Variants in ASAP1 observed in about 807,000 individuals in gnomAD.
ASAP1 encodes the protein arf-GAP with SH3 domain, ANK repeat and PH domain-containing protein 1.
A neutral mutation model predicts 145.2 loss-of-function variants in ASAP1; 43 were observed. The ratio of observed to expected loss-of-function variants is 0.30; its 90% CI spans 0.23 to 0.38. ASAP1 has a LOEUF of 0.38. Among genes scored for constraint, ASAP1 ranks in the 10% least tolerant of loss-of-function variants. ASAP1 has a pLI of 1.00. For missense variants in ASAP1, 1,018 were observed against 1,355.3 expected, an observed-to-expected ratio of 0.75 and a Z score of 3.91; for synonymous variants, 546 against 515.5, an observed-to-expected ratio of 1.06 and a Z score of -0.80.
chr8:130,182,206 T>C (rs1814401588), intron 7 of ASAP1, among the ~76,000 whole-genome samples: 1 of 152,258 alleles, frequency 6.6e-6, no homozygotes, highest in African/African-American at 2.4e-5. Context: ...CCTTTCAATT[T>C]ACCATGGTGA....
chr8:130,428,415 C>T (rs1830005176), intron 1 of ASAP1, among the ~76,000 whole-genome samples: 2 of 122,978 alleles, frequency 1.6e-5, no homozygotes, highest in Admixed American at 8.4e-5. Flanking sequence ...ATCACCACCA[C>T]CATCACCATC....
intron 16 of ASAP1, among the ~76,000 whole-genome samples, chr8:130,127,365 C>T (rs1211633424): frequency 6.6e-6 from 1 of 152,032 alleles, no homozygotes; most frequent in African/African-American, 2.4e-5. Flanking sequence ...TACAGGTGCC[C>T]GCCACCTCGC....
chr8:130,427,208 A>G (rs1393811126), intron 1 of ASAP1, among the ~76,000 whole-genome samples: 2 of 152,112 alleles, frequency 1.3e-5, no homozygotes, highest in Non-Finnish European at 2.9e-5. Flanking sequence ...GCTTTTCTTG[A>G]TATTTTAAAG....
chr8:130,436,098 T>C (rs963735139), intron 1 of ASAP1, among the ~76,000 whole-genome samples: 2 of 152,250 alleles, frequency 1.3e-5, no homozygotes, highest in African/African-American at 2.4e-5. Context: ...AAGAGAACAT[T>C]AGTATATTTA....
At chr8:130,396,486 G>A (rs1828536805) in intron 2 of ASAP1, among the ~76,000 whole-genome samples, 2 of 152,236 alleles carry the variant, frequency 1.3e-5, no homozygotes, top group African/African-American at 2.4e-5. Flanking sequence ...AGTCAATGCT[G>A]TGAAACAACC....
chr8:130,257,745 CTTT>C (rs1393870566), intron 3 of ASAP1, among the ~76,000 whole-genome samples: 1 of 150,682 alleles, frequency 6.6e-6, no homozygotes, highest in Non-Finnish European at 1.5e-5. Flanking sequence ...AAAAATGTTT[CTTT>C]AACACAATAT....
At position 130,079,921 on chromosome 8, in the gene ASAP1, C is replaced by CCT; in HGVS notation, c.2621_2622dup (p.Gly875ArgfsTer30). The CCT allele has an allele frequency of 6.2e-7, 1 of 1,614,088 alleles. No individual in the cohort carries two copies. The highest frequency in any genetic ancestry group is 8.5e-7 in the Non-Finnish European group (1 of 1,179,986). ...GCTTACCTCGACTGCTGGGATAGTC[C>CCT]CTCAAACTTGTTTGTAGTCTTACTT... On this transcript the variant is annotated frameshift_variant, in exon 26 of 30. Transcript: ENST00000518721. LOFTEE classifies it high-confidence loss of function.
At chr8:130,111,824 T>G (rs553760488) in intron 24 of ASAP1, among the ~76,000 whole-genome samples, 1 of 152,308 alleles carries the variant, frequency 6.6e-6, no homozygotes, top group East Asian at 1.9e-4. Flanking sequence ...TTTCCTCTTC[T>G]GTAAAATGGG....
At chr8:130,106,680 C>T (rs74898150) in intron 24 of ASAP1, among the ~76,000 whole-genome samples, 2,551 of 152,366 alleles carry the variant, frequency 0.017, 38 homozygotes, top group East Asian at 0.053. Flanking sequence ...CGAGTACTGA[C>T]GAGCATCCTA....
chr8:130,061,643 C>G (rs2097419854), intron 27 of ASAP1, among the ~76,000 whole-genome samples: 1 of 152,170 alleles, frequency 6.6e-6, no homozygotes, highest in Non-Finnish European at 1.5e-5. Context: ...AAGGCTTCTT[C>G]TACTTTGTGC....
At chr8:130,234,797 T>G (rs545537362) in intron 4 of ASAP1, among the ~76,000 whole-genome samples, 1 of 152,164 alleles carries the variant, frequency 6.6e-6, no homozygotes, top group Non-Finnish European at 1.5e-5. Flanking sequence ...GTACAAACCA[T>G]CATCACATTA....
At chr8:130,374,826 A>G (rs1328548300) in intron 2 of ASAP1, among the ~76,000 whole-genome samples, 1 of 152,236 alleles carries the variant, frequency 6.6e-6, no homozygotes, top group African/African-American at 2.4e-5. Context: ...CACAAAGAGG[A>G]TAACAGAGCT....
intron 5 of ASAP1, among the ~76,000 whole-genome samples, chr8:130,200,865 C>A (rs142002077): frequency 2.0e-5 from 3 of 152,292 alleles, no homozygotes; most frequent in Non-Finnish European, 4.4e-5. Flanking sequence ...AATCAGATGT[C>A]ATGTATAAAA....
chr8:130,418,822 A>G (rs1052490355), intron 1 of ASAP1, among the ~76,000 whole-genome samples: 1 of 152,020 alleles, frequency 6.6e-6, no homozygotes. Context: ...AAATCTACAA[A>G]AAGATCTCCT....
chr8:130,335,964 A>G (rs1825008107), intron 3 of ASAP1, among the ~76,000 whole-genome samples: 1 of 152,184 alleles, frequency 6.6e-6, no homozygotes, highest in Admixed American at 6.5e-5. Flanking sequence ...GTTATGAAGT[A>G]TGATTACTGG....
At chr8:130,095,170 C>G (rs1239470757) in intron 24 of ASAP1, among the ~76,000 whole-genome samples, 1 of 152,078 alleles carries the variant, frequency 6.6e-6, no homozygotes, top group Non-Finnish European at 1.5e-5. Flanking sequence ...TACTTGTTAC[C>G]TGACTCTCCC....
chr8:130,167,333 G>A, intron 11 of ASAP1: 3 of 674,988 alleles, frequency 4.4e-6, no homozygotes, highest in South Asian at 1.6e-5. Context: ...AAAATCCAGA[G>A]TCATGGAATT....
Position 130,298,046 on chromosome 8 carries a change from T to G in ASAP1, c.186+59971A>C, listed in dbSNP as rs550612402. ...CTTCCCTTCTTTGAATCCCCATGTCTTCATTGCTAAACATGGGTGTTGGAT... is the reference window on the plus strand; with the variant it reads ...CTTCCCTTCTTTGAATCCCCATGTCGTCATTGCTAAACATGGGTGTTGGAT... On this transcript the variant is annotated intron_variant, in intron 3 of 29. Transcript: ENST00000518721. Among the ~76,000 whole-genome samples the G allele has an allele frequency of 4.6e-5, 7 of 152,320 alleles. No individual in the cohort carries two copies. In the East Asian group the frequency reaches 1.2e-3, roughly 25 times the overall value.
At chr8:130,335,553 T>C (rs6470815) in intron 3 of ASAP1, among the ~76,000 whole-genome samples, 94,320 of 152,080 alleles carry the variant, frequency 0.62, 30,060 homozygotes, top group African/African-American at 0.76. Context: ...GAAGAGATCA[T>C]GATTCAAAGC....
Sources: gnomAD v4.1 joint callset for allele counts (sites outside exome capture counted in the v4.1 genomes callset) on GRCh38, gnomAD v4.1.1 for gene constraint, MANE v1.5 for transcripts, NCBI Gene and HGNC (gene_info 2026-07-23, HGNC 2026-07-21) for gene names.